The following RHOT1 variants were observed in gnomAD, a reference collection of about 807,000 sequenced individuals.
The protein encoded by RHOT1 is mitochondrial Rho GTPase 1.
RHOT1 carries 27 observed loss-of-function variants against 95.3 expected under a neutral mutation model. The observed-to-expected ratio is 0.28, with a 90% CI of 0.21 to 0.39. The LOEUF (loss-of-function observed/expected upper bound fraction) is 0.39, where lower values mean the gene tolerates loss of function less well. Ranked by LOEUF, RHOT1 falls within the 10% of genes least tolerant of loss-of-function variation. The pLI, the probability that RHOT1 is intolerant of heterozygous loss-of-function variation, is 1.00. For missense variants in RHOT1, 578 were observed against 786.7 expected (o/e 0.73, Z 3.17); for synonymous variants, 227 against 263.5 (o/e 0.86, Z 1.34).
chr17:32,197,273 G>A (rs1405570913), intron 11 of RHOT1, among the ~76,000 whole-genome samples: 1 of 151,658 alleles, frequency 6.6e-6, no homozygotes, highest in Non-Finnish European at 1.5e-5. Flanking sequence ...CTGTCACCCA[G>A]GCTGGAGTGC....
At chr17:32,178,073 C>T (rs1598361730) in intron 6 of RHOT1, among the ~76,000 whole-genome samples, 1 of 152,112 alleles carries the variant, frequency 6.6e-6, no homozygotes, top group Admixed American at 6.5e-5. Context: ...GATCCACCTG[C>T]CTTGGCTTCT....
At chr17:32,220,037 G>T (rs2038729603) in intron 19 of RHOT1, among the ~76,000 whole-genome samples, 1 of 152,150 alleles carries the variant, frequency 6.6e-6, no homozygotes, top group Non-Finnish European at 1.5e-5. Flanking sequence ...TAAATATAGA[G>T]AAAAATTTTA....
chr17:32,205,038 AT>A (rs545016258), intron 16 of RHOT1, among the ~76,000 whole-genome samples: 59 of 143,814 alleles, frequency 4.1e-4, no homozygotes, highest in East Asian at 6.0e-4. Flanking sequence ...TTCTACTTCT[AT>A]TTTTTTTTTT....
At chr17:32,190,843 T>C (rs1191370592) in intron 8 of RHOT1, among the ~76,000 whole-genome samples, 1 of 152,184 alleles carries the variant, frequency 6.6e-6, no homozygotes, top group East Asian at 1.9e-4. Context: ...TCTCCCAGAC[T>C]GGAGTGCAGT....
intron 8 of RHOT1, among the ~76,000 whole-genome samples, chr17:32,184,467 G>C (rs145634712): frequency 1.3e-5 from 2 of 151,504 alleles, no homozygotes; most frequent in South Asian, 4.2e-4. Context: ...CATGTTTTTG[G>C]TGGGTTTTAT....
chr17:32,169,069 G>C (rs1450208973), intron 1 of RHOT1, among the ~76,000 whole-genome samples: 1 of 152,120 alleles, frequency 6.6e-6, no homozygotes, highest in African/African-American at 2.4e-5. Flanking sequence ...TAAATCATCT[G>C]ATCTATCCCT....
intron 1 of RHOT1, among the ~76,000 whole-genome samples, chr17:32,149,730 T>C (rs1286988163): frequency 7.1e-6 from 1 of 140,624 alleles, no homozygotes; most frequent in Non-Finnish European, 1.5e-5. Flanking sequence ...TATATACACA[T>C]ATATATACAC....
chr17:32,207,210 T>C, intron 17 of RHOT1, 181 bp downstream of exon 17: 1 of 528,956 alleles, frequency 1.9e-6, no homozygotes, highest in Non-Finnish European at 3.2e-6. Flanking sequence ...GTCTCAGACA[T>C]ACATATTTCT....
At chr17:32,195,502 G>T (rs1037936224) in intron 11 of RHOT1, among the ~76,000 whole-genome samples, 3 of 152,144 alleles carry the variant, frequency 2.0e-5, no homozygotes, top group Non-Finnish European at 4.4e-5. Flanking sequence ...CCGCCTTGTT[G>T]CAGGATCCTT....
chr17:32,170,289 C>A (rs1021551076), intron 1 of RHOT1, among the ~76,000 whole-genome samples: 7 of 152,136 alleles, frequency 4.6e-5, no homozygotes, highest in Admixed American at 2.6e-4. Flanking sequence ...GTGACACATG[C>A]CTATAATCCC....
intron 19 of RHOT1, among the ~76,000 whole-genome samples, chr17:32,212,524 T>G (rs1202264851): frequency 1.3e-5 from 2 of 152,142 alleles, no homozygotes; most frequent in Non-Finnish European, 2.9e-5. Context: ...GGTGCTCCAG[T>G]GTTGGGAATC....
chr17:32,195,463 T>C (rs1224582148), intron 11 of RHOT1, among the ~76,000 whole-genome samples: 3 of 152,134 alleles, frequency 2.0e-5, no homozygotes, highest in Middle Eastern at 3.2e-3. Flanking sequence ...TGTTTAAAAA[T>C]GGACCCAGTG....
intron 12 of RHOT1, 47 bp downstream of exon 12, chr17:32,199,078 T>G: frequency 7.5e-7 from 1 of 1,331,668 alleles, no homozygotes; most frequent in Non-Finnish European, 1.1e-6. Context: ...AAAACATTTT[T>G]CTATGGATGA....
intron 6 of RHOT1, 72 bp downstream of exon 6, chr17:32,176,285 A>G: frequency 8.7e-7 from 1 of 1,150,812 alleles, no homozygotes; most frequent in Non-Finnish European, 1.3e-6. Flanking sequence ...AAGAAGTAGT[A>G]CATTGAACTT....
rs1330822630 is a variant in RHOT1, at chr17:32,206,977, T to C, written c.1484T>C (p.Val495Ala). The change falls in exon 17 of 20, where the codon GTA becomes GCA. Residue 495 changes from valine to alanine, a missense_variant. Around this residue, in one of 4 missense-constraint regions of RHOT1, gnomAD observed 296 missense variants for 338.5 expected, o/e 0.87. Coordinates refer to ENST00000545287, the MANE Select transcript of RHOT1 (RefSeq NM_001033566.3). ...AEIICDVVCL[V>A]YDVSNPKSFE... ...ATCATTTGTGATGTTGTATGCCTGGTATATGATGTCAGCAATCCCAAATCC... is the reference window on the plus strand; with the variant it reads ...ATCATTTGTGATGTTGTATGCCTGGCATATGATGTCAGCAATCCCAAATCC... 6.2e-7 allele frequency: 1 copy of C among 1,612,714 alleles called. No individual in the cohort carries two copies. Among genetic ancestry groups the C allele is most frequent in the Admixed American group, 1.7e-5 (1 of 59,970 alleles).
chr17:32,202,206 G>A (rs1398172611), intron 14 of RHOT1, among the ~76,000 whole-genome samples: 2 of 152,222 alleles, frequency 1.3e-5, no homozygotes, highest in South Asian at 2.1e-4. Flanking sequence ...CACTGCACCC[G>A]GCTCTAAGAA....
intron 11 of RHOT1, among the ~76,000 whole-genome samples, chr17:32,197,417 CTTATTTTT>C (rs919689217): frequency 3.3e-4 from 48 of 146,910 alleles, no homozygotes; most frequent in South Asian, 8.7e-4. Context: ...CTTCTTTTTT[CTTATTTTT>C]TTATTTTTTT....
chr17:32,189,728 TTTC>T (rs1290541643), intron 8 of RHOT1, among the ~76,000 whole-genome samples: 3 of 142,200 alleles, frequency 2.1e-5, no homozygotes, highest in South Asian at 4.4e-4. Context: ...TATCTTTTCT[TTTC>T]TTTTCTTTTT....
chr17:32,215,801 C>T (rs2142935957), intron 19 of RHOT1, among the ~76,000 whole-genome samples: 1 of 152,238 alleles, frequency 6.6e-6, no homozygotes, highest in African/African-American at 2.4e-5. Flanking sequence ...TAGTGTTAAA[C>T]ATACATCTAT....
Sources: gnomAD v4.1 joint callset for allele counts (sites outside exome capture counted in the v4.1 genomes callset) on GRCh38, gnomAD v4.1.1 for gene constraint, gnomAD v4.1.1 regional missense constraint, MANE v1.5 for transcripts, NCBI Gene and HGNC (gene_info 2026-07-23, HGNC 2026-07-21) for gene names.